Variants in PACRG observed in about 807,000 individuals in gnomAD.
PACRG encodes parkin coregulated gene protein.
Under a neutral mutation model 29.7 loss-of-function variants are expected in PACRG, and 29 were observed. The observed-to-expected ratio is 0.98, with a 90% CI of 0.73 to 1.33. The LOEUF (loss-of-function observed/expected upper bound fraction) is 1.33. Ranked by LOEUF, PACRG falls within the 40% of genes most tolerant of loss-of-function variation. The probability of loss-of-function intolerance (pLI) is 0.00; values close to 1 mark genes in which losing one functional copy is unlikely to be tolerated. For synonymous variants in PACRG, 116 were observed against 118.7 expected (o/e 0.98, Z 0.15); for missense variants, 279 against 316.2 (o/e 0.88, Z 0.89).
chr6:163,131,702 C>A (rs1179092519), intron 4 of PACRG, among the ~76,000 whole-genome samples: 3 of 152,082 alleles, frequency 2.0e-5, no homozygotes, highest in African/African-American at 7.2e-5. Flanking sequence ...TCGGAGCGAT[C>A]CTACCTCCCT....
chr6:162,778,128 G>C (rs1466269751), intron 1 of PACRG, among the ~76,000 whole-genome samples: 2 of 152,296 alleles, frequency 1.3e-5, no homozygotes, highest in Admixed American at 6.5e-5. Flanking sequence ...GTTTTGGGGG[G>C]AGGAAACAGG....
intron 4 of PACRG, among the ~76,000 whole-genome samples, chr6:163,219,308 CA>C (rs1168517206): frequency 1.3e-5 from 2 of 152,192 alleles, no homozygotes; most frequent in Non-Finnish European, 2.9e-5. Context: ...TTATAAGACA[CA>C]GCCCATCCAG....
At chr6:163,037,033 C>T (rs1808265793) in intron 2 of PACRG, among the ~76,000 whole-genome samples, 1 of 152,310 alleles carries the variant, frequency 6.6e-6, no homozygotes, top group African/African-American at 2.4e-5. Flanking sequence ...TGTGTGTGTG[C>T]ATGCATGTGT....
chr6:162,986,345 T>C (rs1802888644), intron 2 of PACRG, among the ~76,000 whole-genome samples: 1 of 152,124 alleles, frequency 6.6e-6, no homozygotes, highest in East Asian at 1.9e-4. Context: ...AACAGCATTG[T>C]ACTGGTATAA....
intron 4 of PACRG, among the ~76,000 whole-genome samples, chr6:163,211,060 A>C (rs1781116550): frequency 6.6e-6 from 1 of 152,234 alleles, no homozygotes; most frequent in South Asian, 2.1e-4. Flanking sequence ...TCCTAGGCTT[A>C]CATGATAGAT....
chr6:162,972,399 T>A (rs1347813903), intron 2 of PACRG, among the ~76,000 whole-genome samples: 1 of 152,188 alleles, frequency 6.6e-6, no homozygotes, highest in Non-Finnish European at 1.5e-5. Flanking sequence ...TCTTCTGGAA[T>A]TTTTCTTCTT....
chr6:162,760,866 TAGG>T (rs1782301149), intron 1 of PACRG, among the ~76,000 whole-genome samples: 3 of 152,030 alleles, frequency 2.0e-5, no homozygotes, highest in Admixed American at 6.6e-5. Context: ...GGAGACCAGT[TAGG>T]AGGATTTTTG....
At chr6:163,120,232 G>C (rs577727066) in intron 4 of PACRG, among the ~76,000 whole-genome samples, 11 of 152,270 alleles carry the variant, frequency 7.2e-5, no homozygotes, top group African/African-American at 2.6e-4. Context: ...TTGAAAAGAA[G>C]TTCTGCTCTG....
chr6:162,775,402 T>C (rs1783563977), intron 1 of PACRG, among the ~76,000 whole-genome samples: 1 of 152,238 alleles, frequency 6.6e-6, no homozygotes, highest in Non-Finnish European at 1.5e-5. Flanking sequence ...TTGACAAAGA[T>C]AATTGCGTAA....
intron 2 of PACRG, among the ~76,000 whole-genome samples, chr6:162,937,108 T>A (rs955101475): frequency 3.9e-5 from 6 of 152,220 alleles, no homozygotes; most frequent in Non-Finnish European, 7.3e-5. Context: ...ATGTCATTTG[T>A]CAGAATAACT....
intron 1 of PACRG, among the ~76,000 whole-genome samples, chr6:162,797,978 C>T (rs1297115981): frequency 6.6e-6 from 1 of 152,168 alleles, no homozygotes. Flanking sequence ...AAATTCCTGG[C>T]AAGCTATTTG....
chr6:162,920,780 A>G (rs1423017234), intron 2 of PACRG, among the ~76,000 whole-genome samples: 2 of 152,216 alleles, frequency 1.3e-5, no homozygotes, highest in African/African-American at 4.8e-5. Context: ...TAATTTGGCT[A>G]TCAAAATTGT....
At chr6:162,944,304 G>C (rs549614611) in intron 2 of PACRG, among the ~76,000 whole-genome samples, 1 of 152,122 alleles carries the variant, frequency 6.6e-6, no homozygotes, top group Non-Finnish European at 1.5e-5. Context: ...AACATCATAG[G>C]TACATCTTGA....
intron 2 of PACRG, chr6:163,051,804 T>C (rs921000130): frequency 4.6e-5 from 7 of 152,254 alleles, no homozygotes; most frequent in Non-Finnish European, 7.3e-5. Context: ...ATTTTGTCTT[T>C]ATCTCTAGCA....
At chr6:163,038,910 A>G (rs150310100) in intron 2 of PACRG, among the ~76,000 whole-genome samples, 116 of 152,326 alleles carry the variant, frequency 7.6e-4, no homozygotes, top group African/African-American at 2.7e-3. Context: ...TGTGTGTTTC[A>G]GGTGCCTGTT....
chr6:163,218,551 C>G (rs1781455530), intron 4 of PACRG, among the ~76,000 whole-genome samples: 1 of 152,156 alleles, frequency 6.6e-6, no homozygotes, highest in South Asian at 2.1e-4. Context: ...CTCCTTCTCT[C>G]CATTGAAATG....
chr6:162,744,103 A>C (rs1406963602), intron 1 of PACRG, among the ~76,000 whole-genome samples: 1 of 152,164 alleles, frequency 6.6e-6, no homozygotes, highest in African/African-American at 2.4e-5. Flanking sequence ...TAAAAAATAC[A>C]ATTGTTGCTT....
At chr6:163,230,941 G>C (rs1782018689) in intron 4 of PACRG, among the ~76,000 whole-genome samples, 1 of 152,240 alleles carries the variant, frequency 6.6e-6, no homozygotes, top group Non-Finnish European at 1.5e-5. Flanking sequence ...CGTGAAAGAA[G>C]CCTGCGGGAC....
intron 2 of PACRG, among the ~76,000 whole-genome samples, chr6:162,836,116 A>G (rs559689308): frequency 1.4e-4 from 21 of 152,138 alleles, no homozygotes; most frequent in African/African-American, 4.8e-4. Context: ...TGATTTTTAT[A>G]TATTTTTTAC....
Sources: gnomAD v4.1 joint callset for allele counts (sites outside exome capture counted in the v4.1 genomes callset) on GRCh38, gnomAD v4.1.1 for gene constraint, MANE v1.5 for transcripts, NCBI Gene and HGNC (gene_info 2026-07-23, HGNC 2026-07-21) for gene names.